Variants in SHOX observed in about 807,000 individuals in gnomAD.
SHOX encodes short stature homeobox protein.
In SHOX, 12 loss-of-function variants were observed where a neutral mutation model predicts 29.6. That is an observed-to-expected ratio of 0.41 (90% CI 0.26 to 0.66). SHOX has a LOEUF of 0.66. SHOX is among the 30% of genes least tolerant of loss of function. The pLI is 0.35. For missense variants in SHOX, 499 were observed against 437.7 expected (o/e 1.14, Z -1.25); for synonymous variants, 214 against 200.6 (o/e 1.07, Z -0.57).
At chrX:638,611 T>G (rs1011048407) in intron 2 of SHOX, among the ~76,000 whole-genome samples, 7 of 152,124 alleles carry the variant, frequency 4.6e-5, no homozygotes, top group Non-Finnish European at 8.8e-5. Context: ...GGACCCACTT[T>G]GGAAATGAAA....
At chrX:635,191 C>T (rs1331312252) in intron 2 of SHOX, among the ~76,000 whole-genome samples, 2 of 152,010 alleles carry the variant, frequency 1.3e-5, no homozygotes, top group Admixed American at 6.6e-5. Flanking sequence ...CCTTCGGTTC[C>T]CCTGGGATTG....
At chrX:652,958 C>T (rs1430551281), downstream of SHOX, among the ~76,000 whole-genome samples, 4 of 152,166 alleles carry the variant, frequency 2.6e-5, no homozygotes, top group South Asian at 2.1e-4. Context: ...CAGCTTTGGC[C>T]GGGCGCAGTG....
At position 650,821 on chromosome X, in the gene SHOX, T is replaced by C. The variant is rs1268713535; in HGVS notation, c.*6185T>C. 2.5e-5 allele frequency among the ~76,000 whole-genome samples: 2 copies of C among 80,324 alleles called. No individual in the cohort carries two copies. Among genetic ancestry groups the C allele is most frequent in the Non-Finnish European group, 2.9e-5 (1 of 34,142 alleles). 52.7% of individuals were successfully genotyped at this position (80,324 alleles called of 152,430 possible). A position where few individuals can be genotyped will look rare whatever the true frequency, so the allele number is the denominator to read the frequency against. ...AAAAAAAAAAAAAAAAAAAAAAAACTGGTGCCTAATTTATTAAAGAGAATT... is the reference window on the plus strand; with the variant it reads ...AAAAAAAAAAAAAAAAAAAAAAAACCGGTGCCTAATTTATTAAAGAGAATT... On this transcript the variant is annotated 3_prime_UTR_variant, in exon 5 of 5. Transcript: ENST00000686671.
At chrX:638,771 T>C (rs964257) in intron 2 of SHOX, among the ~76,000 whole-genome samples, 138,133 of 152,300 alleles carry the variant, frequency 0.91, 62,732 homozygotes, top group East Asian at 1. Context: ...ATGCACAGTG[T>C]GTAAGGGTGG....
chrX:625,758 G>T (rs1211704583), intron 1 of SHOX, among the ~76,000 whole-genome samples: 2 of 115,354 alleles, frequency 1.7e-5, no homozygotes, highest in African/African-American at 7.1e-5. Flanking sequence ...CTCTGTCTCT[G>T]TCTGTATCTC....
chrX:640,703 C>A, intron 2 of SHOX, 118 bp from the exon 3 acceptor site: 1 of 1,121,166 alleles, frequency 8.9e-7, no homozygotes. Context: ...CACCATCAGT[C>A]ACCTCCCAGC....
chrX:625,607 C>T (rs1569491952), intron 1 of SHOX, among the ~76,000 whole-genome samples: 1 of 151,170 alleles, frequency 6.6e-6, no homozygotes, highest in South Asian at 2.1e-4. Flanking sequence ...TCTCCTCTCT[C>T]TCTTTTTCTC....
chrX:651,795 T>C (rs2053069282), downstream of SHOX, among the ~76,000 whole-genome samples: 5 of 152,070 alleles, frequency 3.3e-5, no homozygotes, highest in South Asian at 1.0e-3. Flanking sequence ...ATCCCCTTCC[T>C]TTACTGAAAC....
Position 631,121 on chromosome X carries a change from T to G in SHOX, c.224T>G (p.Val75Gly). 6.2e-7 allele frequency: 1 copy of G among 1,613,572 alleles called. No homozygotes were observed. The highest frequency in any genetic ancestry group is 8.5e-7 in the Non-Finnish European group (1 of 1,179,834). ...CCGGTGCATTTGTTCAAGGACCACG[T>G]AGACAATGACAAGGAGAAACTGAAA... Reference protein sequence around the residue: ...HCPVHLFKDHVDNDKEKLKEF... With the variant: ...HCPVHLFKDHGDNDKEKLKEF... The change falls in exon 1 of 5, where the codon GTA becomes GGA. Residue 75 changes from valine to glycine, a missense_variant. By Grantham distance (109) the Val-to-Gly change is moderately radical. Coordinates refer to ENST00000686671, the MANE Select transcript of SHOX (RefSeq NM_000451.4).
chrX:652,309 G>T (rs2053077986), downstream of SHOX, among the ~76,000 whole-genome samples: 1 of 150,498 alleles, frequency 6.6e-6, no homozygotes, highest in African/African-American at 2.4e-5. Context: ...AATAATAAAT[G>T]GAAAAAGAAA....
chrX:634,531 CTTTCCACCGCGGGATGCACGAAGGGGT>C (rs1324744457), intron 1 of SHOX, 60 bp from the exon 2 acceptor site: 12 of 1,447,838 alleles, frequency 8.3e-6, no homozygotes, highest in Non-Finnish European at 1.1e-5. Context: ...CGAGGGCCCC[CTTTCCACCGCGGGATGCACGAAGGGGT>C]TCGCCACGTT....
chrX:632,870 G>A (rs943703215), intron 1 of SHOX, among the ~76,000 whole-genome samples: 4 of 152,160 alleles, frequency 2.6e-5, no homozygotes, highest in African/African-American at 9.7e-5. Flanking sequence ...AGGGTTCGCA[G>A]CGCCCGGCGG....
chrX:625,093 C>CCTTCTCTCCCTCCCTCCCTA (rs2124130385), intron 1 of SHOX, among the ~76,000 whole-genome samples: 1 of 138,290 alleles, frequency 7.2e-6, no homozygotes, highest in Non-Finnish European at 1.6e-5. Flanking sequence ...CTCCCTCCCT[C>CCTTCTCTCCCTCCCTCCCTA]CTTCCCTTTC....
chrX:649,971 C>G lies in SHOX; in HGVS notation c.*5335C>G. 2.2e-6 allele frequency: 1 copy of G among 456,028 alleles called. No homozygotes were observed. The highest frequency in any genetic ancestry group is 1.5e-5 in the South Asian group (1 of 64,560). The allele number at this position is 456,028 out of a possible 1,614,324, so 28.2% of individuals were successfully genotyped here. On this transcript the variant is annotated 3_prime_UTR_variant, in exon 5 of 5. Transcript: ENST00000686671. Reference sequence around the variant, plus strand: ...CACAGGGAGAAGGAATTGGATGTATCGGATGTTGCTATTAGATTTTCTTTC... The same window carrying G: ...CACAGGGAGAAGGAATTGGATGTATGGGATGTTGCTATTAGATTTTCTTTC...
In SHOX at chrX:650,510, T is replaced by C. The variant is rs2053038258; in HGVS notation, c.*5874T>C. ...ATGAAGCCGAGACGGGTTTCAGGTT[T>C]TGGTGCCAAGCTCTGGTCAGGATGA... On this transcript the variant is annotated 3_prime_UTR_variant, in exon 5 of 5. Transcript: ENST00000686671. 6.6e-6 allele frequency among the ~76,000 whole-genome samples: 1 copy of C among 152,052 alleles called. No individual in the cohort carries two copies. Among genetic ancestry groups the C allele is most frequent in the African/African-American group, 2.4e-5 (1 of 41,406 alleles).
In SHOX at chrX:634,772, C is replaced by T; in HGVS notation, c.432C>T (p.Ala144=). Residue 144 remains alanine, a synonymous_variant, in exon 2 of 5, where the codon GCC becomes GCT. Coordinates refer to ENST00000686671, the MANE Select transcript of SHOX (RefSeq NM_000451.4). ...RLFDETHYPD[A]FMREELSQRL... is the part of the protein sequence containing the mutation. The stretch of plus-strand genomic sequence containing the variant: ...TCGACGAGACCCATTACCCCGACGC[C>T]TTCATGCGCGAGGAGCTCAGCCAGC... 1 of 1,606,648 alleles carries T rather than the reference C, an allele frequency of 6.2e-7. No homozygotes were observed. The highest frequency in any genetic ancestry group is 1.7e-5 in the Admixed American group (1 of 58,526).
chrX:644,722 G>C lies in SHOX; in HGVS notation c.*86G>C. 7.5e-7 allele frequency: 1 copy of C among 1,338,216 alleles called. No homozygotes were observed. Among genetic ancestry groups the C allele is most frequent in the African/African-American group, 1.6e-5 (1 of 64,506 alleles). 82.9% of individuals were successfully genotyped at this position (1,338,216 alleles called of 1,614,324 possible). A position where few individuals can be genotyped will look rare whatever the true frequency, so the allele number is the denominator to read the frequency against. On this transcript the variant is annotated 3_prime_UTR_variant, in exon 5 of 5. Coordinates refer to ENST00000686671, the MANE Select transcript of SHOX (RefSeq NM_000451.4). ...CGCGTCCTGCACTCAACCCCGCCTG[G>C]AGCTCCTTCCGCGGCCACCGTGCTC...
intron 4 of SHOX, among the ~76,000 whole-genome samples, chrX:641,621 C>G (rs1423447688): frequency 2.0e-5 from 3 of 148,906 alleles, no homozygotes; most frequent in Non-Finnish European, 1.5e-5. Flanking sequence ...TGGAGGTTGC[C>G]GTGAGCCAAT....
At chrX:637,814 C>T (rs753069872) in intron 2 of SHOX, among the ~76,000 whole-genome samples, 4 of 152,190 alleles carry the variant, frequency 2.6e-5, no homozygotes, top group African/African-American at 9.6e-5. Context: ...CGTGCTGTGA[C>T]CGGATAGAGT....
Sources: allele counts gnomAD v4.1 joint callset (sites outside exome capture counted in the v4.1 genomes callset), GRCh38; gene constraint gnomAD v4.1.1; transcripts MANE v1.5; gene names NCBI Gene and HGNC (gene_info 2026-07-23, HGNC 2026-07-21).